ERBB4: variants seen among roughly 807,000 people sequenced by gnomAD.
The protein encoded by ERBB4 is receptor tyrosine-protein kinase erbB-4.
ERBB4 carries 42 observed loss-of-function variants against 158.0 expected under a neutral mutation model. The observed-to-expected ratio is 0.27, with a 90% CI of 0.21 to 0.34. The LOEUF (loss-of-function observed/expected upper bound fraction) is 0.34. Among genes scored for constraint, ERBB4 ranks in the 10% least tolerant of loss-of-function variants. The pLI, the probability that ERBB4 is intolerant of heterozygous loss-of-function variation, is 1.00. For synonymous variants in ERBB4, 583 were observed against 558.7 expected (o/e 1.04, Z -0.61); for missense variants, 1,333 against 1,624.1 (o/e 0.82, Z 3.08).
At chr2:212,015,872 G>T (rs899912554) in intron 2 of ERBB4, among the ~76,000 whole-genome samples, 2 of 152,136 alleles carry the variant, frequency 1.3e-5, no homozygotes, top group Non-Finnish European at 2.9e-5. Context: ...AGTCACAGGG[G>T]TGTGAGGTAC....
chr2:211,406,715 AAT>A (rs1559136203), intron 25 of ERBB4, among the ~76,000 whole-genome samples: 2 of 152,152 alleles, frequency 1.3e-5, no homozygotes, highest in African/African-American at 4.8e-5. Flanking sequence ...AAGTGATAAA[AAT>A]AGTTAGTAGT....
chr2:212,191,453 A>T (rs1264013736), intron 1 of ERBB4, among the ~76,000 whole-genome samples: 2 of 152,062 alleles, frequency 1.3e-5, no homozygotes, highest in Non-Finnish European at 2.9e-5. Flanking sequence ...TATACATGTT[A>T]TACCTGTTAT....
At chr2:212,460,650 C>T (rs569009695) in intron 1 of ERBB4, among the ~76,000 whole-genome samples, 4 of 152,068 alleles carry the variant, frequency 2.6e-5, no homozygotes, top group Admixed American at 6.5e-5. Flanking sequence ...GCAAAGCCTT[C>T]GAGAAGTGAC....
rs151032267 is a variant in ERBB4, at chr2:211,589,136, C to T, written c.2302-27048G>A. Reference sequence around the variant, plus strand: ...GGCCCTAGGTAAGATCTCAAGCCAACAAAAGTTAGGCCAAGTCAAAAGTAT... The same window carrying T: ...GGCCCTAGGTAAGATCTCAAGCCAATAAAAGTTAGGCCAAGTCAAAAGTAT... On this transcript the variant is annotated intron_variant, in intron 19 of 27. Coordinates refer to ENST00000342788, the MANE Select transcript of ERBB4 (RefSeq NM_005235.3). Among the ~76,000 whole-genome samples, 352 of 152,172 alleles carry T rather than the reference C, an allele frequency of 2.3e-3. 1 individual carries two copies. Among genetic ancestry groups the T allele is most frequent in the African/African-American group, 8.1e-3 (338 of 41,528 alleles).
At chr2:211,562,660 T>A (rs1022358200) in intron 19 of ERBB4, among the ~76,000 whole-genome samples, 2 of 152,132 alleles carry the variant, frequency 1.3e-5, no homozygotes, top group African/African-American at 4.8e-5. Context: ...TTTTGTTTCA[T>A]AATTTTACCT....
rs374110275 is a variant in ERBB4, at chr2:211,424,417, TA to T, written c.2720-117del. The T allele has an allele frequency of 0.19, 90,092 of 474,978 alleles. 323 individuals carry two copies. Among genetic ancestry groups the T allele is most frequent in the South Asian group, 0.24 (9,404 of 39,064 alleles). The allele number at this position is 474,978 out of a possible 1,614,324, so 29.4% of individuals were successfully genotyped here. A position where few individuals can be genotyped will look rare whatever the true frequency, so the allele number is the denominator to read the frequency against. On this transcript the variant is annotated intron_variant, in intron 22 of 27. Coordinates refer to ENST00000342788, the MANE Select transcript of ERBB4 (RefSeq NM_005235.3). Reference sequence around the variant, plus strand: ...CAGGTCAATCCAAACACCAATCAATTAAAAAAAAAAAAGCTCCATAAATTCC... The same window carrying T: ...CAGGTCAATCCAAACACCAATCAATTAAAAAAAAAAAGCTCCATAAATTCC...
chr2:211,835,332 G>A (rs776303772), intron 3 of ERBB4, among the ~76,000 whole-genome samples: 5 of 94,680 alleles, frequency 5.3e-5, no homozygotes, highest in Non-Finnish European at 9.6e-5. Flanking sequence ...TCTCTACCAT[G>A]CCATTTTTCT....
At chr2:212,172,241 A>C (rs544273567) in intron 1 of ERBB4, among the ~76,000 whole-genome samples, 83 of 152,332 alleles carry the variant, frequency 5.4e-4, no homozygotes, top group Non-Finnish European at 2.4e-4. Flanking sequence ...CAGAATGGCC[A>C]TTACTAAAAA....
chr2:212,214,799 G>A (rs573055610), intron 1 of ERBB4, among the ~76,000 whole-genome samples: 5 of 151,520 alleles, frequency 3.3e-5, no homozygotes, highest in Non-Finnish European at 7.4e-5. Context: ...CAAAATACAC[G>A]TACACAATGT....
intron 1 of ERBB4, among the ~76,000 whole-genome samples, chr2:212,511,228 A>C (rs112733168): frequency 0.012 from 1,861 of 152,252 alleles, 37 homozygotes; most frequent in African/African-American, 0.042. Flanking sequence ...CGGCAAACAG[A>C]GTATCTTTTC....
intron 4 of ERBB4, among the ~76,000 whole-genome samples, chr2:211,782,474 T>C (rs2076060048): frequency 1.3e-5 from 2 of 152,262 alleles, no homozygotes; most frequent in Admixed American, 6.5e-5. Context: ...CTCTCTGTCT[T>C]TTATAGGTAA....
At chr2:212,440,974 T>G (rs1464816285) in intron 1 of ERBB4, among the ~76,000 whole-genome samples, 1 of 151,508 alleles carries the variant, frequency 6.6e-6, no homozygotes, top group Non-Finnish European at 1.5e-5. Flanking sequence ...TGAGGGAGAG[T>G]CTTATCTCCT....
intron 3 of ERBB4, among the ~76,000 whole-genome samples, chr2:211,853,954 A>G (rs1462145708): frequency 6.6e-6 from 1 of 152,090 alleles, no homozygotes; most frequent in East Asian, 1.9e-4. Flanking sequence ...TTATTCAAAC[A>G]ACAGATATTT....
At chr2:211,927,028 T>C (rs1213381316) in intron 3 of ERBB4, among the ~76,000 whole-genome samples, 1 of 152,176 alleles carries the variant, frequency 6.6e-6, no homozygotes, top group Non-Finnish European at 1.5e-5. Context: ...AAGCCAAACA[T>C]GAGAAAGTCA....
intron 20 of ERBB4, among the ~76,000 whole-genome samples, chr2:211,464,921 TGA>T (rs1022562547): frequency 1.3e-5 from 2 of 151,430 alleles, no homozygotes; most frequent in African/African-American, 4.9e-5. Flanking sequence ...AGAGGCTTAA[TGA>T]GAGGCATACA....
chr2:212,151,069 T>A (rs2080852288), intron 1 of ERBB4, among the ~76,000 whole-genome samples: 1 of 152,024 alleles, frequency 6.6e-6, no homozygotes, highest in Non-Finnish European at 1.5e-5. Flanking sequence ...ATATATTAAA[T>A]ATGAATGAAA....
At chr2:211,958,207 T>A (rs930507117) in intron 2 of ERBB4, among the ~76,000 whole-genome samples, 1 of 152,100 alleles carries the variant, frequency 6.6e-6, no homozygotes, top group Admixed American at 6.6e-5. Context: ...TTTAGTCATC[T>A]CCTCTAGTGA....
rs367801279 is a variant in ERBB4 at position 211,562,769 on chromosome 2, C to CTTTT, written c.2302-685_2302-682dup. On this transcript the variant is annotated intron_variant, in intron 19 of 27. Coordinates refer to ENST00000342788, the MANE Select transcript of ERBB4 (RefSeq NM_005235.3). ...GACTATAAAAATTTGACTACTCCAA[C>CTTTT]TTTTTTTTTTTTTTTTTTTTGAGAC... Among the ~76,000 whole-genome samples, 13 of 125,702 alleles carry CTTTT rather than the reference C, an allele frequency of 1.0e-4. 2 individuals are homozygous for CTTTT. Among genetic ancestry groups the CTTTT allele is most frequent in the African/African-American group, 2.5e-4 (7 of 28,288 alleles). 82.5% of individuals were successfully genotyped at this position (125,702 alleles called of 152,430 possible). A position where few individuals can be genotyped will look rare whatever the true frequency, so the allele number is the denominator to read the frequency against.
At chr2:211,475,864 T>C (rs1475781913) in intron 20 of ERBB4, among the ~76,000 whole-genome samples, 1 of 152,138 alleles carries the variant, frequency 6.6e-6, no homozygotes, top group Non-Finnish European at 1.5e-5. Flanking sequence ...TTATCTGTAG[T>C]AGTATAAGTT....
Sources: gnomAD v4.1 joint callset for allele counts (sites outside exome capture counted in the v4.1 genomes callset) on GRCh38, gnomAD v4.1.1 for gene constraint, MANE v1.5 for transcripts, NCBI Gene and HGNC (gene_info 2026-07-23, HGNC 2026-07-21) for gene names.